The following LRRC8C variants were observed in gnomAD, a reference collection of about 807,000 sequenced individuals.
LRRC8C encodes volume-regulated anion channel subunit LRRC8C.
Under a neutral mutation model 55.3 loss-of-function variants are expected in LRRC8C, and 20 were observed. That is an observed-to-expected ratio of 0.36 (90% CI 0.25 to 0.53). LRRC8C has a LOEUF of 0.53. Ranked by LOEUF, LRRC8C falls within the 20% of genes least tolerant of loss-of-function variation. LRRC8C has a pLI of 0.92. For synonymous variants in LRRC8C, 376 were observed against 360.7 expected, an observed-to-expected ratio of 1.04 and a Z score of -0.48; for missense variants, 659 against 951.4, an observed-to-expected ratio of 0.69 and a Z score of 4.04.
chr1:89,678,702 A>AAC (rs996610275), intron 1 of LRRC8C, among the ~76,000 whole-genome samples: 1 of 145,614 alleles, frequency 6.9e-6, no homozygotes, highest in Non-Finnish European at 1.5e-5. Context: ...TTCTGTCTAA[A>AAC]AAAAAAAAAA....
At chr1:89,654,200 G>A (rs1656873247) in intron 1 of LRRC8C, among the ~76,000 whole-genome samples, 1 of 152,144 alleles carries the variant, frequency 6.6e-6, no homozygotes, top group South Asian at 2.1e-4. Flanking sequence ...TCATTGAGAA[G>A]TAGGAGCTAA....
intron 1 of LRRC8C, among the ~76,000 whole-genome samples, chr1:89,648,957 C>G (rs921054960): frequency 6.6e-6 from 1 of 152,214 alleles, no homozygotes; most frequent in Non-Finnish European, 1.5e-5. Context: ...CAACATACCA[C>G]ATTTTGTTTA....
intron 1 of LRRC8C, among the ~76,000 whole-genome samples, chr1:89,659,061 T>TTTTTTGTG (rs1294718324): frequency 1.7e-4 from 9 of 53,966 alleles, no homozygotes; most frequent in East Asian, 7.2e-4. Flanking sequence ...TTTTTTTTTT[T>TTTTTTGTG]TGTGTGTGTG....
rs568577679 is a variant in LRRC8C at position 89,669,506 on chromosome 1, T to C, written c.-4-16964T>C. On this transcript the variant is annotated intron_variant, in intron 1 of 2. Transcript: ENST00000370454. ...AGCTATCAAATTTGATTGTCATCTC[T>C]ATTGCTAATATTAGTAGCTGTCATC... 5.3e-5 allele frequency among the ~76,000 whole-genome samples: 8 copies of C among 152,314 alleles called. No homozygotes were observed. The East Asian group carries it at 1.5e-3, about 29-fold the overall frequency.
Position 89,664,570 on chromosome 1 carries a change from T to A in LRRC8C, c.-4-21900T>A, listed in dbSNP as rs549530918. Among the ~76,000 whole-genome samples the A allele has an allele frequency of 5.7e-4, 87 of 152,324 alleles. No homozygotes were observed. In the South Asian group the frequency reaches 7.2e-3, roughly 13 times the overall value. Reference sequence around the variant, plus strand: ...CCTTGTAGTATAGTTTGAAGTCAGGTAGTGTGATGCCTCCAGCTTTGTTCT... The same window carrying A: ...CCTTGTAGTATAGTTTGAAGTCAGGAAGTGTGATGCCTCCAGCTTTGTTCT... On this transcript the variant is annotated intron_variant, in intron 1 of 2. Coordinates refer to ENST00000370454, the MANE Select transcript of LRRC8C (RefSeq NM_032270.5).
chr1:89,709,974 A>G (rs1658603242), intron 2 of LRRC8C, among the ~76,000 whole-genome samples: 1 of 151,870 alleles, frequency 6.6e-6, no homozygotes. Flanking sequence ...GGTGGTCTGG[A>G]TCTCCTGACC....
chr1:89,671,901 G>A (rs1232652702), intron 1 of LRRC8C, among the ~76,000 whole-genome samples: 2 of 152,170 alleles, frequency 1.3e-5, no homozygotes, highest in African/African-American at 4.8e-5. Context: ...AACTTTTGGT[G>A]AATGAGTCTT....
intron 1 of LRRC8C, among the ~76,000 whole-genome samples, chr1:89,671,371 A>G (rs1435843574): frequency 2.0e-5 from 3 of 149,928 alleles, no homozygotes; most frequent in Non-Finnish European, 4.4e-5. Context: ...AAAGTGAAAA[A>G]CAGATCAAAG....
chr1:89,706,593 C>T (rs565341605), intron 2 of LRRC8C, among the ~76,000 whole-genome samples: 1 of 152,270 alleles, frequency 6.6e-6, no homozygotes, highest in South Asian at 2.1e-4. Flanking sequence ...GTTGACCATT[C>T]AAGGTATTTC....
intron 2 of LRRC8C, among the ~76,000 whole-genome samples, chr1:89,688,271 G>C (rs775790417): frequency 2.6e-5 from 4 of 152,186 alleles, no homozygotes; most frequent in Non-Finnish European, 4.4e-5. Flanking sequence ...AAATGAAATA[G>C]TTGTTGAAGA....
At chr1:89,635,422 A>G (rs1480035308) in intron 1 of LRRC8C, among the ~76,000 whole-genome samples, 1 of 152,212 alleles carries the variant, frequency 6.6e-6, no homozygotes, top group Non-Finnish European at 1.5e-5. Flanking sequence ...CCTAATACAC[A>G]TTATCTCAGG....
chr1:89,707,132 C>T (rs72963607), intron 2 of LRRC8C, among the ~76,000 whole-genome samples: 9,833 of 151,996 alleles, frequency 0.065, 1,156 homozygotes, highest in African/African-American at 0.23. Flanking sequence ...ATAGGCCAGG[C>T]GCTGTGGCTC....
At chr1:89,695,047 G>A (rs1570731713) in intron 2 of LRRC8C, among the ~76,000 whole-genome samples, 1 of 148,716 alleles carries the variant, frequency 6.7e-6, no homozygotes, top group Non-Finnish European at 1.5e-5. Context: ...TCAGCCTCCC[G>A]AGTAACTGGG....
chr1:89,640,231 A>G (rs1053980584), intron 1 of LRRC8C, among the ~76,000 whole-genome samples: 1 of 152,106 alleles, frequency 6.6e-6, no homozygotes, highest in African/African-American at 2.4e-5. Context: ...CACCCAGCCA[A>G]TTTTTGTATT....
Position 89,653,598 on chromosome 1 carries a change from C to G in LRRC8C, c.-5+20276C>G, listed in dbSNP as rs545838188. ...AAGGATGGAACCTATTATAATAAAACAAATGAGACATGCTGGTGCCTTGGG... is the reference window on the plus strand; with the variant it reads ...AAGGATGGAACCTATTATAATAAAAGAAATGAGACATGCTGGTGCCTTGGG... On this transcript the variant is annotated intron_variant, in intron 1 of 2. Coordinates refer to ENST00000370454, the MANE Select transcript of LRRC8C (RefSeq NM_032270.5). Among the ~76,000 whole-genome samples, 10 of 152,288 alleles carry G rather than the reference C, an allele frequency of 6.6e-5. No individual in the cohort carries two copies. In the East Asian group the frequency reaches 1.9e-3, roughly 29 times the overall value.
rs906076018 is a variant in LRRC8C at position 89,670,255 on chromosome 1, C to T, written c.-4-16215C>T. ...CGTGTTGCCATAGTAAAGCTCATTC[C>T]GTGATGTGAGAGACCCTAGTGCTGA... On this transcript the variant is annotated intron_variant, in intron 1 of 2. Coordinates refer to ENST00000370454, the MANE Select transcript of LRRC8C (RefSeq NM_032270.5). Among the ~76,000 whole-genome samples, 12 of 152,218 alleles carry T rather than the reference C, an allele frequency of 7.9e-5. No homozygotes were observed. The South Asian group carries it at 8.3e-4, about 11-fold the overall frequency.
chr1:89,717,590 A>G lies in LRRC8C; in HGVS notation c.*2608A>G, dbSNP rs1658863926. Reference sequence around the variant, plus strand: ...TCCTATTAGATTTTATAAACCTTCAAAAGTCTGAAACTTAATTTTGAGTCT... The same window carrying G: ...TCCTATTAGATTTTATAAACCTTCAGAAGTCTGAAACTTAATTTTGAGTCT... On this transcript the variant is annotated 3_prime_UTR_variant, in exon 3 of 3. Transcript: ENST00000370454. 2 of 152,172 alleles carry G rather than the reference A, an allele frequency of 1.3e-5. No homozygotes were observed. The highest frequency in any genetic ancestry group is 4.1e-4 in the South Asian group (2 of 4,830). The allele number at this position is 152,172 out of a possible 1,614,324, so 9.4% of individuals were successfully genotyped here.
chr1:89,680,170 T>C (rs1262851121), intron 1 of LRRC8C, among the ~76,000 whole-genome samples: 3 of 151,698 alleles, frequency 2.0e-5, no homozygotes, highest in Non-Finnish European at 2.9e-5. Flanking sequence ...CTCCACCTCC[T>C]GGGTTCACAC....
At chr1:89,699,802 T>C (rs771457134) in intron 2 of LRRC8C, among the ~76,000 whole-genome samples, 2 of 152,238 alleles carry the variant, frequency 1.3e-5, no homozygotes, top group African/African-American at 2.4e-5. Context: ...TTGCTAAGAA[T>C]GAAAGCATTT....
Sources: gnomAD v4.1 joint callset for allele counts (sites outside exome capture counted in the v4.1 genomes callset) on GRCh38, gnomAD v4.1.1 for gene constraint, MANE v1.5 for transcripts, NCBI Gene and HGNC (gene_info 2026-07-23, HGNC 2026-07-21) for gene names.